COL19A1: variants seen among roughly 807,000 people sequenced by gnomAD.
COL19A1 encodes the protein collagen type XIX alpha 1 chain.
A neutral mutation model predicts 190.2 loss-of-function variants in COL19A1; 159 were observed. The observed-to-expected ratio is 0.84, with a 90% CI of 0.73 to 0.95. COL19A1 has a LOEUF of 0.95. COL19A1 is among the 40% of genes least tolerant of loss of function. The probability of loss-of-function intolerance (pLI) is 0.00; values close to 1 mark genes in which losing one functional copy is unlikely to be tolerated. For missense variants in COL19A1, 1,418 were observed against 1,431.9 expected (o/e 0.99, Z 0.16); for synonymous variants, 509 against 458.9 (o/e 1.11, Z -1.39).
chr6:69,924,437 A>AT (rs1772216052), intron 4 of COL19A1, among the ~76,000 whole-genome samples: 1 of 152,024 alleles, frequency 6.6e-6, no homozygotes, highest in Non-Finnish European at 1.5e-5. Flanking sequence ...TGAACTCGTC[A>AT]TTTTTTATGG....
In COL19A1 at chr6:70,171,057, C is replaced by G. The variant is rs193158697; in HGVS notation, c.2569-907C>G. 1.2e-4 allele frequency among the ~76,000 whole-genome samples: 18 copies of G among 152,306 alleles called. No homozygotes were observed. In the East Asian group the frequency reaches 3.3e-3, roughly 28 times the overall value. On this transcript the variant is annotated intron_variant, in intron 40 of 50. Coordinates refer to ENST00000620364, the MANE Select transcript of COL19A1 (RefSeq NM_001858.6). Reference sequence around the variant, plus strand: ...ACTTAAAGCCCTAATGCAAGCTTGTCCAACCCATGGCCCATGGGCTGCATG... The same window carrying G: ...ACTTAAAGCCCTAATGCAAGCTTGTGCAACCCATGGCCCATGGGCTGCATG...
intron 11 of COL19A1, among the ~76,000 whole-genome samples, chr6:69,977,487 GT>G (rs1775787486): frequency 6.6e-6 from 1 of 151,566 alleles, no homozygotes; most frequent in Admixed American, 6.6e-5. Context: ...AAGTTAATGG[GT>G]GCAGCACACC....
chr6:70,184,967 C>T (rs1444864380), intron 46 of COL19A1, 52 bp downstream of exon 46: 1 of 1,549,808 alleles, frequency 6.5e-7, no homozygotes, highest in Non-Finnish European at 8.8e-7. Flanking sequence ...TTACAACTGT[C>T]CCATCATTTG....
intron 15 of COL19A1, among the ~76,000 whole-genome samples, chr6:70,077,885 T>C (rs1216857868): frequency 6.6e-6 from 1 of 152,210 alleles, no homozygotes; most frequent in African/African-American, 2.4e-5. Flanking sequence ...GAACATACAA[T>C]GAAAAGAGCA....
At chr6:69,883,010 T>C (rs1026635685) in intron 2 of COL19A1, among the ~76,000 whole-genome samples, 2 of 152,224 alleles carry the variant, frequency 1.3e-5, no homozygotes, top group Non-Finnish European at 2.9e-5. Context: ...AATGATTAGA[T>C]AAATAATGTA....
chr6:70,111,655 A>G (rs1026001486), intron 16 of COL19A1, among the ~76,000 whole-genome samples: 1 of 152,178 alleles, frequency 6.6e-6, no homozygotes, highest in Non-Finnish European at 1.5e-5. Flanking sequence ...TTTGACTGAA[A>G]TCCTTTGTGG....
At chr6:69,964,662 T>C (rs1427066391) in intron 11 of COL19A1, among the ~76,000 whole-genome samples, 1 of 152,164 alleles carries the variant, frequency 6.6e-6, no homozygotes, top group Admixed American at 6.5e-5. Context: ...TATTAACTGT[T>C]GCATTCAAAT....
chr6:70,178,081 A>G (rs1765926898), intron 42 of COL19A1, among the ~76,000 whole-genome samples: 1 of 152,226 alleles, frequency 6.6e-6, no homozygotes, highest in South Asian at 2.1e-4. Flanking sequence ...CAGTTTTCAT[A>G]TGTCATAATT....
intron 14 of COL19A1, among the ~76,000 whole-genome samples, chr6:70,036,564 C>G (rs1219197017): frequency 6.6e-6 from 1 of 152,028 alleles, no homozygotes; most frequent in Non-Finnish European, 1.5e-5. Context: ...CTCTTATATT[C>G]AGATACAATT....
chr6:69,961,273 G>T (rs1046231430), intron 10 of COL19A1, among the ~76,000 whole-genome samples: 5 of 152,294 alleles, frequency 3.3e-5, no homozygotes, highest in Non-Finnish European at 7.4e-5. Context: ...TTGTGTTAAA[G>T]AATTTATTTA....
chr6:70,149,966 T>C (rs757326961), intron 29 of COL19A1, 26 bp from the exon 30 acceptor site: 1 of 1,613,796 alleles, frequency 6.2e-7, no homozygotes, highest in Non-Finnish European at 8.5e-7. Flanking sequence ...CGTGCAAAGA[T>C]TGAACATGGA....
At chr6:70,118,255 G>A (rs1466935497) in intron 16 of COL19A1, among the ~76,000 whole-genome samples, 1 of 152,208 alleles carries the variant, frequency 6.6e-6, no homozygotes, top group Non-Finnish European at 1.5e-5. Context: ...TGGTAGGATA[G>A]CCACCAATTC....
intron 16 of COL19A1, among the ~76,000 whole-genome samples, chr6:70,105,297 A>G (rs1317043408): frequency 6.6e-6 from 1 of 152,118 alleles, no homozygotes; most frequent in Non-Finnish European, 1.5e-5. Context: ...AGCTGGGACT[A>G]CAGCTGCGCA....
chr6:70,174,046 G>T (rs1037102552), intron 41 of COL19A1, among the ~76,000 whole-genome samples: 1 of 152,158 alleles, frequency 6.6e-6, no homozygotes, highest in Non-Finnish European at 1.5e-5. Context: ...GGGGACAGAG[G>T]CTGATAGGTG....
At chr6:70,088,812 C>G (rs1302910495) in intron 15 of COL19A1, among the ~76,000 whole-genome samples, 2 of 152,102 alleles carry the variant, frequency 1.3e-5, no homozygotes, top group Non-Finnish European at 2.9e-5. Flanking sequence ...AATAAATATA[C>G]AAATGCTTAT....
chr6:70,059,977 A>G (rs1248538325), intron 14 of COL19A1, among the ~76,000 whole-genome samples: 1 of 152,210 alleles, frequency 6.6e-6, no homozygotes, highest in Admixed American at 6.6e-5. Flanking sequence ...AAAGATAATT[A>G]AGACTATGAT....
intron 15 of COL19A1, among the ~76,000 whole-genome samples, chr6:70,086,131 A>G (rs1305640942): frequency 6.6e-6 from 1 of 152,092 alleles, no homozygotes. Flanking sequence ...TTTGCCCTAT[A>G]ATATAATAAA....
At chr6:70,098,913 T>C (rs1159502139) in intron 15 of COL19A1, among the ~76,000 whole-genome samples, 2 of 151,682 alleles carry the variant, frequency 1.3e-5, no homozygotes, top group African/African-American at 4.8e-5. Context: ...TGGACTATTG[T>C]GTTGATAGAA....
chr6:70,048,955 C>T (rs895032538), intron 14 of COL19A1, among the ~76,000 whole-genome samples: 2 of 151,018 alleles, frequency 1.3e-5, no homozygotes, highest in African/African-American at 4.9e-5. Flanking sequence ...TGTTGTATGC[C>T]CAAAGAGCGT....
Sources: allele counts gnomAD v4.1 joint callset (sites outside exome capture counted in the v4.1 genomes callset), GRCh38; gene constraint gnomAD v4.1.1; transcripts MANE v1.5; gene names NCBI Gene and HGNC (gene_info 2026-07-23, HGNC 2026-07-21).